The following TANC2 variants were observed in gnomAD, a reference collection of about 807,000 sequenced individuals.
TANC2 encodes the protein tetratricopeptide repeat, ankyrin repeat and coiled-coil containing 2, also known as protein TANC2.
TANC2 carries 26 observed loss-of-function variants against 210.5 expected under a neutral mutation model. That is an observed-to-expected ratio of 0.12 (90% CI 0.09 to 0.17). The LOEUF (loss-of-function observed/expected upper bound fraction) is 0.17, where lower values mean the gene tolerates loss of function less well. Ranked by LOEUF, TANC2 falls within the 10% of genes least tolerant of loss-of-function variation. The pLI is 1.00. For synonymous variants in TANC2, 931 were observed against 967.1 expected, an observed-to-expected ratio of 0.96 and a Z score of 0.69; for missense variants, 2,129 against 2,608.9, an observed-to-expected ratio of 0.82 and a Z score of 4.01.
chr17:62,998,436 C>T (rs1476101312), intron 1 of TANC2, among the ~76,000 whole-genome samples: 1 of 152,084 alleles, frequency 6.6e-6, no homozygotes, highest in African/African-American at 2.4e-5. Context: ...AGATGAATAT[C>T]CCCAAGACAC....
In TANC2 at chr17:63,046,325, C is replaced by CTTTTTTTTTTTTTT. The variant is rs57550590; in HGVS notation, c.68-27607_68-27594dup. Among the ~76,000 whole-genome samples the CTTTTTTTTTTTTTT allele has an allele frequency of 1.6e-3, 72 of 44,142 alleles. 19 individuals carry two copies. The highest frequency in any genetic ancestry group is 7.7e-3 in the African/African-American group (66 of 8,536). The allele number at this position is 44,142 out of a possible 152,430, so 29.0% of individuals were successfully genotyped here. On this transcript the variant is annotated intron_variant, in intron 2 of 27. Transcript: ENST00000689528. ...CAGGTGCGTGCCACCACACCCAGCT[C>CTTTTTTTTTTTTTT]TTTTTTTTTTTTTTTTTTTTTTTTG... is the stretch of plus-strand genomic sequence containing the variant.
At chr17:63,107,723 T>C (rs904703434) in intron 4 of TANC2, among the ~76,000 whole-genome samples, 3 of 151,728 alleles carry the variant, frequency 2.0e-5, no homozygotes, top group South Asian at 2.1e-4. Flanking sequence ...AAAGAACATA[T>C]GTTATACAAT....
At chr17:63,388,460 G>T (rs920865669) in intron 15 of TANC2, among the ~76,000 whole-genome samples, 175 bp from the exon 16 acceptor site, 7 of 152,202 alleles carry the variant, frequency 4.6e-5, no homozygotes, top group Non-Finnish European at 7.3e-5. Flanking sequence ...CAGTTAGCTT[G>T]TTCCTGCAGG....
At chr17:63,187,553 A>T (rs959756887) in intron 5 of TANC2, among the ~76,000 whole-genome samples, 11 of 134,004 alleles carry the variant, frequency 8.2e-5, no homozygotes, top group African/African-American at 1.6e-4. Flanking sequence ...TATGTTTTTT[A>T]TATATATATA....
chr17:63,111,897 T>C (rs1167610864), intron 4 of TANC2, among the ~76,000 whole-genome samples: 1 of 152,122 alleles, frequency 6.6e-6, no homozygotes, highest in Non-Finnish European at 1.5e-5. Flanking sequence ...AGCTAATTTT[T>C]GTATTTTTAG....
At chr17:63,407,621 A>G (rs1318293292) in intron 21 of TANC2, among the ~76,000 whole-genome samples, 1 of 152,228 alleles carries the variant, frequency 6.6e-6, no homozygotes, top group Non-Finnish European at 1.5e-5. Context: ...AGGCTATGTT[A>G]TTAGCAGAAC....
intron 5 of TANC2, among the ~76,000 whole-genome samples, chr17:63,168,957 T>C (rs900151684): frequency 6.6e-6 from 1 of 152,232 alleles, no homozygotes; most frequent in Non-Finnish European, 1.5e-5. Context: ...TATCATTTGT[T>C]CTCAGCTATT....
exon 11 of TANC2, chr17:63,318,995 C>A (rs2045407673): frequency 6.2e-7 from 1 of 1,613,490 alleles, no homozygotes; most frequent in South Asian, 1.1e-5. Flanking sequence ...CACACAGCCA[C>A]CTTCAGCCCA....
At chr17:63,347,760 G>T (rs1444376347) in intron 12 of TANC2, among the ~76,000 whole-genome samples, 1 of 152,058 alleles carries the variant, frequency 6.6e-6, no homozygotes, top group Non-Finnish European at 1.5e-5. Flanking sequence ...AATGAAAGGA[G>T]ACACAAATTG....
At chr17:63,081,318 A>T (rs1251280106) in intron 3 of TANC2, among the ~76,000 whole-genome samples, 1 of 152,184 alleles carries the variant, frequency 6.6e-6, no homozygotes, top group African/African-American at 2.4e-5. Flanking sequence ...TTAATTTTTT[A>T]AAAAGTTAAT....
At chr17:63,327,667 A>G (rs2045693920) in intron 11 of TANC2, among the ~76,000 whole-genome samples, 1 of 152,198 alleles carries the variant, frequency 6.6e-6, no homozygotes, top group Admixed American at 6.5e-5. Context: ...TAGCAAAGCC[A>G]TGGAATCAAC....
At chr17:63,411,425 G>A (rs1007238433) in intron 21 of TANC2, 86 bp from the exon 22 acceptor site, 1 of 1,327,044 alleles carries the variant, frequency 7.5e-7, no homozygotes, top group Middle Eastern at 2.4e-4. Context: ...AGTGTTCTTT[G>A]CAGGAGCATG....
chr17:63,100,789 A>G (rs2144917015), intron 4 of TANC2, among the ~76,000 whole-genome samples: 1 of 152,244 alleles, frequency 6.6e-6, no homozygotes, highest in South Asian at 2.1e-4. Context: ...TTAATAGTCA[A>G]CGTTTATTAA....
intron 4 of TANC2, among the ~76,000 whole-genome samples, chr17:63,106,634 A>G (rs1308748924): frequency 1.3e-5 from 2 of 151,682 alleles, no homozygotes; most frequent in Non-Finnish European, 1.5e-5. Flanking sequence ...GAACCTGACT[A>G]AAGTTTGGTT....
rs994564301 is a variant in TANC2, at chr17:63,421,412, C to T, written c.5682C>T (p.Ile1894=). ...CTTCTTCCATCCAGCAAATGGAGAT[C>T]CCACTGAAACCTGCATATGAGAGGT... The change falls in exon 28 of 28, where the codon ATC becomes ATT. Residue 1894 remains isoleucine (I), a synonymous_variant. Transcript: ENST00000689528. The surrounding 1 kb of genome is among the most constrained non-coding windows in gnomAD (Gnocchi z 6.9). The T allele has an allele frequency of 1.2e-6, 2 of 1,613,988 alleles. No individual in the cohort carries two copies. Among genetic ancestry groups the T allele is most frequent in the East Asian group, 2.2e-5 (1 of 44,882 alleles).
intron 3 of TANC2, among the ~76,000 whole-genome samples, chr17:63,091,943 G>A (rs1382998288): frequency 3.3e-5 from 5 of 152,116 alleles, no homozygotes; most frequent in Non-Finnish European, 7.4e-5. Context: ...TTGTAAGTTG[G>A]ATTCCTAGGT....
At chr17:63,260,899 A>G (rs1354050002) in intron 8 of TANC2, among the ~76,000 whole-genome samples, 1 of 152,088 alleles carries the variant, frequency 6.6e-6, no homozygotes, top group Non-Finnish European at 1.5e-5. Context: ...ACATAAAAGC[A>G]TACTTATTTT....
intron 9 of TANC2, among the ~76,000 whole-genome samples, chr17:63,309,379 C>CA (rs1325204956): frequency 5.3e-5 from 8 of 151,968 alleles, no homozygotes; most frequent in African/African-American, 1.7e-4. Context: ...GATTACATGC[C>CA]AAAAAACCGT....
intron 8 of TANC2, among the ~76,000 whole-genome samples, chr17:63,257,081 T>A (rs574953972): frequency 6.6e-6 from 1 of 151,750 alleles, no homozygotes; most frequent in East Asian, 1.9e-4. Flanking sequence ...GGTATTTTTT[T>A]TTTTTTTTTG....
Sources: allele counts gnomAD v4.1 joint callset (sites outside exome capture counted in the v4.1 genomes callset), GRCh38; gene constraint gnomAD v4.1.1; non-coding constraint Gnocchi (gnomAD v3.1); transcripts MANE v1.5; gene names NCBI Gene and HGNC (gene_info 2026-07-23, HGNC 2026-07-21).